GRIN2A: variants seen among roughly 807,000 people sequenced by gnomAD.
GRIN2A encodes the protein glutamate ionotropic receptor NMDA type subunit 2A, also known as glutamate receptor ionotropic, NMDA 2A.
In GRIN2A, 22 loss-of-function variants were observed where a neutral mutation model predicts 113.4. The ratio of observed to expected loss-of-function variants is 0.19; its 90% confidence interval spans 0.14 to 0.28. The LOEUF is 0.28. GRIN2A is among the 10% of genes least tolerant of loss of function. The pLI is 1.00. For synonymous variants in GRIN2A, 827 were observed against 738.4 expected (o/e 1.12, Z -1.94); for missense variants, 1,502 against 1,887.0 (o/e 0.80, Z 3.78).
intron 2 of GRIN2A, among the ~76,000 whole-genome samples, chr16:10,058,239 G>C (rs1360769750): frequency 1.3e-5 from 2 of 151,410 alleles, no homozygotes; most frequent in Non-Finnish European, 2.9e-5. Context: ...GGTGAAAAGA[G>C]CTAGACACTG....
At chr16:9,925,231 G>C (rs74459338) in intron 3 of GRIN2A, among the ~76,000 whole-genome samples, 1 of 152,178 alleles carries the variant, frequency 6.6e-6, no homozygotes, top group African/African-American at 2.4e-5. Flanking sequence ...ATAGTCTACA[G>C]CTAATTATTT....
chr16:9,921,882 C>A (rs1244846926), intron 3 of GRIN2A, among the ~76,000 whole-genome samples: 1 of 152,160 alleles, frequency 6.6e-6, no homozygotes, highest in Non-Finnish European at 1.5e-5. Flanking sequence ...AAAACATTAA[C>A]CCTGTCTCTT....
intron 11 of GRIN2A, among the ~76,000 whole-genome samples, chr16:9,787,837 G>C (rs1277903974): frequency 6.6e-6 from 1 of 152,124 alleles, no homozygotes; most frequent in Non-Finnish European, 1.5e-5. Flanking sequence ...TTTTTACTTT[G>C]CATTTATCTC....
At chr16:9,808,690 C>G (rs188095807) in intron 10 of GRIN2A, among the ~76,000 whole-genome samples, 11 of 152,132 alleles carry the variant, frequency 7.2e-5, no homozygotes, top group Admixed American at 2.0e-4. Context: ...GTTTCTTACC[C>G]CAAAATCCAC....
intron 2 of GRIN2A, among the ~76,000 whole-genome samples, chr16:10,151,476 C>G (rs182456165): frequency 6.6e-6 from 1 of 152,248 alleles, no homozygotes; most frequent in Admixed American, 6.5e-5. Context: ...CTTCAAGGTG[C>G]AAACATATTA....
intron 2 of GRIN2A, among the ~76,000 whole-genome samples, chr16:10,158,558 T>C (rs887827759): frequency 6.6e-6 from 1 of 152,330 alleles, no homozygotes; most frequent in South Asian, 2.1e-4. Flanking sequence ...TTAAATATAG[T>C]ATATCCATAC....
intron 5 of GRIN2A, among the ~76,000 whole-genome samples, chr16:9,849,500 A>T (rs530032912): frequency 6.6e-6 from 1 of 152,130 alleles, no homozygotes; most frequent in Non-Finnish European, 1.5e-5. Flanking sequence ...ATCTTCCCAT[A>T]ACTCGGTTTT....
Position 9,869,221 on chromosome 16 carries a change from C to A in GRIN2A, c.1123-19260G>T, listed in dbSNP as rs1003194897. Among the ~76,000 whole-genome samples, 4 of 152,098 alleles carry A rather than the reference C, an allele frequency of 2.6e-5. No homozygotes were observed. The East Asian group carries it at 5.8e-4, about 22-fold the overall frequency. ...GGCAAGGCAGGAGGATCACTTGAGGCCAGGAGTTTGAGACCAGCCCGGGCA... is the reference window on the plus strand; with the variant it reads ...GGCAAGGCAGGAGGATCACTTGAGGACAGGAGTTTGAGACCAGCCCGGGCA... On this transcript the variant is annotated intron_variant, in intron 4 of 12. Transcript: ENST00000330684.
chr16:9,984,313 T>A (rs1482075518), intron 2 of GRIN2A, among the ~76,000 whole-genome samples: 4 of 152,212 alleles, frequency 2.6e-5, no homozygotes, highest in African/African-American at 4.8e-5. Context: ...TTTCTCTCAT[T>A]CTGCAGGTTG....
intron 2 of GRIN2A, among the ~76,000 whole-genome samples, chr16:10,041,328 G>C (rs1567255711): frequency 1.3e-5 from 2 of 152,170 alleles, no homozygotes; most frequent in Admixed American, 1.3e-4. Context: ...TCAATGTATT[G>C]GGTGGGGTGT....
chr16:9,940,887 TA>T (rs893584410), intron 2 of GRIN2A, among the ~76,000 whole-genome samples: 2 of 151,658 alleles, frequency 1.3e-5, no homozygotes, highest in African/African-American at 4.8e-5. Flanking sequence ...GGCAACAAGA[TA>T]AAAAAAACCA....
intron 2 of GRIN2A, among the ~76,000 whole-genome samples, chr16:9,978,846 G>A (rs771627946): frequency 2.6e-5 from 4 of 152,158 alleles, no homozygotes; most frequent in Admixed American, 6.5e-5. Flanking sequence ...CGGGCTTCTC[G>A]TCTGAAATGG....
At chr16:10,136,111 A>G (rs1215481424) in intron 2 of GRIN2A, among the ~76,000 whole-genome samples, 2 of 151,548 alleles carry the variant, frequency 1.3e-5, no homozygotes, top group East Asian at 3.9e-4. Context: ...ACTTTTCATC[A>G]CTCTCCCTTT....
intron 7 of GRIN2A, among the ~76,000 whole-genome samples, chr16:9,836,304 G>C (rs1402979234): frequency 6.6e-6 from 1 of 152,138 alleles, no homozygotes; most frequent in Non-Finnish European, 1.5e-5. Flanking sequence ...GAAATACTGG[G>C]GCAACAATAC....
At chr16:10,140,523 A>T (rs539040663) in intron 2 of GRIN2A, among the ~76,000 whole-genome samples, 1 of 152,188 alleles carries the variant, frequency 6.6e-6, no homozygotes, top group African/African-American at 2.4e-5. Context: ...CCTATGGGAG[A>T]ATGAGATCTT....
chr16:9,813,854 T>G (rs2042137480), intron 10 of GRIN2A, among the ~76,000 whole-genome samples: 1 of 152,234 alleles, frequency 6.6e-6, no homozygotes, highest in African/African-American at 2.4e-5. Flanking sequence ...TCTCTGGAGA[T>G]GACGCTACCC....
intron 2 of GRIN2A, among the ~76,000 whole-genome samples, chr16:10,088,957 C>T (rs1167937259): frequency 6.6e-6 from 1 of 152,214 alleles, no homozygotes; most frequent in Non-Finnish European, 1.5e-5. Context: ...CTTCTCTATG[C>T]CCCATTACAT....
intron 7 of GRIN2A, among the ~76,000 whole-genome samples, chr16:9,839,785 T>A (rs1389624892): frequency 6.6e-6 from 1 of 152,214 alleles, no homozygotes; most frequent in African/African-American, 2.4e-5. Context: ...GTGATCATAT[T>A]TTTTTCAGCA....
At chr16:9,954,203 G>A (rs1026514143) in intron 2 of GRIN2A, among the ~76,000 whole-genome samples, 1 of 152,152 alleles carries the variant, frequency 6.6e-6, no homozygotes, top group Non-Finnish European at 1.5e-5. Flanking sequence ...TCATGCTTGC[G>A]ATATACCTTC....
Sources: allele counts gnomAD v4.1 joint callset (sites outside exome capture counted in the v4.1 genomes callset), GRCh38; gene constraint gnomAD v4.1.1; transcripts MANE v1.5; gene names NCBI Gene and HGNC (gene_info 2026-07-23, HGNC 2026-07-21).